The following RHOU variants were observed in gnomAD, a reference collection of about 807,000 sequenced individuals.
RHOU encodes the protein rho-related GTP-binding protein RhoU.
In RHOU, 8 loss-of-function variants were observed where a neutral mutation model predicts 12.6. That is an observed-to-expected ratio of 0.64 (90% confidence interval 0.37 to 1.15). The LOEUF is 1.15. Among genes scored for constraint, RHOU ranks in the 50% most tolerant of loss-of-function variants. RHOU has a pLI of 0.01. For synonymous variants in RHOU, 161 were observed against 147.4 expected (o/e 1.09, Z -0.67); for missense variants, 258 against 347.0 (o/e 0.74, Z 2.04).
At chr1:228,674,753 CAG>C in the RHOU span, among the ~76,000 whole-genome samples, 1 of 151,118 alleles carries the variant, frequency 6.6e-6, no homozygotes, top group Non-Finnish European at 1.5e-5. Flanking sequence ...ATTTTTAAGA[CAG>C]AGTCTCGCTC....
the RHOU span, among the ~76,000 whole-genome samples, chr1:228,660,653 C>G: frequency 1.3e-5 from 2 of 151,470 alleles, no homozygotes; most frequent in African/African-American, 2.4e-5. Context: ...CCCTAGTCTG[C>G]CTGGGTGCGG....
chr1:228,698,093 T>C, the RHOU span, among the ~76,000 whole-genome samples: 12 of 152,374 alleles, frequency 7.9e-5, no homozygotes, highest in African/African-American at 2.9e-4. Flanking sequence ...TTTTGACGTC[T>C]ACAGTTTTAC....
chr1:228,675,019 G>A, the RHOU span, among the ~76,000 whole-genome samples: 3 of 151,938 alleles, frequency 2.0e-5, no homozygotes, highest in African/African-American at 4.8e-5. Context: ...GTGAGCCACC[G>A]TGCCTGGCCT....
chr1:228,714,700 T>C, the RHOU span, among the ~76,000 whole-genome samples: 1 of 151,800 alleles, frequency 6.6e-6, no homozygotes, highest in Non-Finnish European at 1.5e-5. Context: ...CTTCTTTTTT[T>C]TCTTAAGTTA....
the RHOU span, among the ~76,000 whole-genome samples, chr1:228,670,402 A>T: frequency 6.6e-6 from 1 of 152,244 alleles, no homozygotes; most frequent in African/African-American, 2.4e-5. Context: ...AACTGGAGGA[A>T]TTCAGCAAAA....
At chr1:228,647,095 G>C in the RHOU span, among the ~76,000 whole-genome samples, 2 of 152,190 alleles carry the variant, frequency 1.3e-5, no homozygotes, top group Non-Finnish European at 2.9e-5. Flanking sequence ...ACCCTACTTC[G>C]GTAGGCAGCC....
the RHOU span, among the ~76,000 whole-genome samples, chr1:228,705,056 C>T: frequency 1.9e-3 from 285 of 152,014 alleles, 3 homozygotes; most frequent in South Asian, 1.9e-3. Flanking sequence ...CCCACCTTGG[C>T]CTCCCAAAAT....
chr1:228,647,005 C>G, the RHOU span, among the ~76,000 whole-genome samples: 1 of 147,252 alleles, frequency 6.8e-6, no homozygotes, highest in South Asian at 2.1e-4. Context: ...AGAGAAATAA[C>G]GCGAGGTCCA....
At position 228,744,351 on chromosome 1, in the gene RHOU, T is replaced by A. The variant is rs11578216; in HGVS notation, c.*611T>A. On this transcript the variant is annotated 3_prime_UTR_variant, in exon 3 of 3. Coordinates refer to ENST00000366691, the MANE Select transcript of RHOU (RefSeq NM_021205.6). The stretch of plus-strand genomic sequence containing the variant: ...AAACAACCAACAGAAAACATCCCAC[T>A]GACTGTATGGCACTCTGTAGTCAAA... 0.15 allele frequency: 23,598 copies of A among 152,386 alleles called. 2,094 individuals are homozygous for A. Among genetic ancestry groups the A allele is most frequent in the South Asian group, 0.22 (1,073 of 4,832 alleles). 9.4% of individuals were successfully genotyped at this position (152,386 alleles called of 1,614,324 possible).
At position 228,735,694 on chromosome 1, in the gene RHOU, C is replaced by CG; in HGVS notation, c.-46dup. ...CAACCCTCCGGGGCGGAGGGGCGGT[C>CG]GGGCCGGGCCCTGCTAGCCCGCGAC... On this transcript the variant is annotated 5_prime_UTR_variant, in exon 1 of 3. Transcript: ENST00000366691. The surrounding 1 kb of genome is among the most constrained non-coding windows in gnomAD (Gnocchi z 8.1). The CG allele has an allele frequency of 8.4e-7, 1 of 1,184,348 alleles. No homozygotes were observed. The highest frequency in any genetic ancestry group is 1.0e-6 in the Non-Finnish European group (1 of 956,920). The allele number at this position is 1,184,348 out of a possible 1,614,324, so 73.4% of individuals were successfully genotyped here.
chr1:228,696,232 TA>T, the RHOU span, among the ~76,000 whole-genome samples: 2,490 of 142,854 alleles, frequency 0.017, 73 homozygotes, highest in African/African-American at 0.059. Flanking sequence ...GGTATACAAT[TA>T]AAAAAAAAAA....
chr1:228,650,083 TAGAA>T, the RHOU span: 342 of 412,202 alleles, frequency 8.3e-4, 1 homozygote, highest in South Asian at 5.7e-3. Context: ...ATCAGATTCA[TAGAA>T]AGAACTCTAA....
At chr1:228,717,683 T>A in the RHOU span, among the ~76,000 whole-genome samples, 1 of 152,114 alleles carries the variant, frequency 6.6e-6, no homozygotes, top group Non-Finnish European at 1.5e-5. Context: ...AAGTTGAGAG[T>A]CAGCTTTAGT....
chr1:228,653,373 G>A, the RHOU span, among the ~76,000 whole-genome samples: 1 of 152,112 alleles, frequency 6.6e-6, no homozygotes, highest in Non-Finnish European at 1.5e-5. Flanking sequence ...AGGCTGGAGT[G>A]CAGTGGTGCC....
Position 228,744,141 on chromosome 1 carries a change from T to A in RHOU, c.*401T>A, listed in dbSNP as rs1328328671. 2 of 181,984 alleles carry A rather than the reference T, an allele frequency of 1.1e-5. No individual in the cohort carries two copies. The highest frequency in any genetic ancestry group is 2.4e-5 in the African/African-American group (1 of 41,752). The allele number at this position is 181,984 out of a possible 1,614,324, so 11.3% of individuals were successfully genotyped here. ...CCTCTCTTGATTAAGGGCTACTTAA[T>A]GCACAGTGCATTATGTACACAGGTC... On this transcript the variant is annotated 3_prime_UTR_variant, in exon 3 of 3. Transcript: ENST00000366691.
chr1:228,732,212 G>A (rs762627326), upstream of RHOU, among the ~76,000 whole-genome samples: 2 of 152,178 alleles, frequency 1.3e-5, no homozygotes, highest in East Asian at 1.9e-4. Context: ...CTTGCCCCAC[G>A]TGCTTCTAAG....
the RHOU span, among the ~76,000 whole-genome samples, chr1:228,680,505 C>T: frequency 3.3e-5 from 5 of 152,248 alleles, no homozygotes; most frequent in South Asian, 6.2e-4. Context: ...TGTCTTACAG[C>T]GGAGGCAAGT....
At chr1:228,715,891 A>G in the RHOU span, among the ~76,000 whole-genome samples, 5,522 of 146,202 alleles carry the variant, frequency 0.038, 347 homozygotes, top group African/African-American at 0.13. Flanking sequence ...GTGATTTGTG[A>G]CTTTTAGTTT....
chr1:228,727,249 G>T, the RHOU span, among the ~76,000 whole-genome samples: 290 of 152,216 alleles, frequency 1.9e-3, 1 homozygote, highest in African/African-American at 6.7e-3. Flanking sequence ...ACATTCTTCT[G>T]GGATGCATAT....
Sources: allele counts gnomAD v4.1 joint callset (sites outside exome capture counted in the v4.1 genomes callset), GRCh38; gene constraint gnomAD v4.1.1; non-coding constraint Gnocchi (gnomAD v3.1); transcripts MANE v1.5; gene names NCBI Gene and HGNC (gene_info 2026-07-23, HGNC 2026-07-21).